BAZ1A: variants seen among roughly 807,000 people sequenced by gnomAD.
BAZ1A encodes the protein bromodomain adjacent to zinc finger domain protein 1A.
A neutral mutation model predicts 185.2 loss-of-function variants in BAZ1A; 50 were observed. The observed-to-expected ratio is 0.27, with a 90% CI of 0.22 to 0.34. The LOEUF (loss-of-function observed/expected upper bound fraction) is 0.34, where lower values mean the gene tolerates loss of function less well. Ranked by LOEUF, BAZ1A falls within the 10% of genes least tolerant of loss-of-function variation. The pLI, the probability that BAZ1A is intolerant of heterozygous loss-of-function variation, is 1.00. For synonymous variants in BAZ1A, 571 were observed against 615.6 expected, an observed-to-expected ratio of 0.93 and a Z score of 1.07; for missense variants, 1,356 against 1,839.9, an observed-to-expected ratio of 0.74 and a Z score of 4.81.
chr14:34,875,083 C>G (rs1320613796), intron 1 of BAZ1A, 55 bp downstream of exon 1: 1 of 359,542 alleles, frequency 2.8e-6, no homozygotes, highest in Non-Finnish European at 5.5e-6. Flanking sequence ...CCGCTTTGTT[C>G]CCGGCTCGCC....
intron 25 of BAZ1A, among the ~76,000 whole-genome samples, chr14:34,755,531 A>T (rs1053426344): frequency 1.3e-5 from 2 of 152,150 alleles, no homozygotes; most frequent in African/African-American, 4.8e-5. Context: ...TCCTTACTGC[A>T]TTTCTTAGTG....
chr14:34,754,721 T>TAACA, intron 26 of BAZ1A, 106 bp downstream of exon 26: 1 of 686,452 alleles, frequency 1.5e-6, no homozygotes, highest in Non-Finnish European at 2.4e-6. Flanking sequence ...ATCCTTTTAG[T>TAACA]AACAGAAAAA....
Position 34,830,292 on chromosome 14 carries a change from T to C in BAZ1A, c.393-4136A>G, listed in dbSNP as rs2042222095. On this transcript the variant is annotated intron_variant, in intron 3 of 26. Coordinates refer to ENST00000360310, the MANE Select transcript of BAZ1A (RefSeq NM_013448.3). ...TGGTATATACCATGCAATAAAATAT[T>C]ATCCAGCAAAAAAAAAAATAGGAAT... 2.6e-5 allele frequency among the ~76,000 whole-genome samples: 4 copies of C among 151,616 alleles called. 1 individual carries two copies. Among genetic ancestry groups the C allele is most frequent in the Admixed American group, 2.6e-4 (4 of 15,220 alleles).
At chr14:34,856,926 G>T (rs1338143573) in intron 3 of BAZ1A, among the ~76,000 whole-genome samples, 2 of 148,512 alleles carry the variant, frequency 1.3e-5, no homozygotes, top group Middle Eastern at 3.6e-3. Flanking sequence ...CAAAATCAGA[G>T]CAATCAGAAA....
At chr14:34,780,724 C>T (rs1170560397) in intron 16 of BAZ1A, among the ~76,000 whole-genome samples, 1 of 152,038 alleles carries the variant, frequency 6.6e-6, no homozygotes, top group Non-Finnish European at 1.5e-5. Flanking sequence ...AAGCAGTAAT[C>T]CAAGAGGTAG....
Position 34,765,015 on chromosome 14 carries a change from A to T in BAZ1A, c.3549+6T>A. The T allele has an allele frequency of 1.2e-6, 2 of 1,613,604 alleles. No homozygotes were observed. Among genetic ancestry groups the T allele is most frequent in the Middle Eastern group, 1.7e-4 (1 of 6,056 alleles). On this transcript the variant is annotated splice_donor_region_variant and intron_variant, in intron 22 of 26. Transcript: ENST00000360310. The stretch of plus-strand genomic sequence containing the variant: ...CATTTCTAATCTGATAAGAAGAAAA[A>T]AATACCTTGAGCTTTGGTCGAACAC...
chr14:34,861,946 T>C (rs975424522), intron 3 of BAZ1A, 98 bp downstream of exon 3: 3 of 1,371,954 alleles, frequency 2.2e-6, no homozygotes, highest in African/African-American at 2.9e-5. Context: ...TAGAGCATAG[T>C]AAAAGGGAAG....
chr14:34,872,633 CAGAT>C (rs1008353529), intron 2 of BAZ1A, among the ~76,000 whole-genome samples: 2 of 152,062 alleles, frequency 1.3e-5, no homozygotes, highest in African/African-American at 2.4e-5. Flanking sequence ...TAATGGAAGA[CAGAT>C]AGTTCTGGAA....
At chr14:34,782,902 CTG>C (rs760136706) in intron 16 of BAZ1A, among the ~76,000 whole-genome samples, 5 of 152,294 alleles carry the variant, frequency 3.3e-5, no homozygotes, top group Admixed American at 1.3e-4. Flanking sequence ...CAGAATAACT[CTG>C]TGAAATACAG....
chr14:34,820,589 A>C (rs1296741600), intron 4 of BAZ1A, among the ~76,000 whole-genome samples: 1 of 152,180 alleles, frequency 6.6e-6, no homozygotes, highest in African/African-American at 2.4e-5. Context: ...AATCAAGTCC[A>C]GTTTATCAGT....
intron 12 of BAZ1A, among the ~76,000 whole-genome samples, chr14:34,789,738 T>A (rs1880718376): frequency 6.6e-6 from 1 of 152,168 alleles, no homozygotes; most frequent in Non-Finnish European, 1.5e-5. Context: ...AGGTTTGATA[T>A]AAAAACAGGG....
Position 34,764,709 on chromosome 14 carries a change from G to T in BAZ1A, c.3774C>A (p.Val1258=). 6.2e-7 allele frequency: 1 copy of T among 1,602,440 alleles called. No individual in the cohort carries two copies. The highest frequency in any genetic ancestry group is 1.1e-5 in the South Asian group (1 of 90,052). Residue 1258 remains valine (V), a splice_region_variant and synonymous_variant, in exon 23 of 27, where the codon GTC becomes GTA. Coordinates refer to ENST00000360310, the MANE Select transcript of BAZ1A (RefSeq NM_013448.3). The part of the protein sequence containing the change: ...DEDDSQEEEE[V]SLPKRGRPQV... ...TTTTATTGCATGTTAGGACTTACCTGACTTCTTCCTCTTCTTGAGAGTCAT... is the reference window on the plus strand; with the variant it reads ...TTTTATTGCATGTTAGGACTTACCTTACTTCTTCCTCTTCTTGAGAGTCAT...
intron 6 of BAZ1A, among the ~76,000 whole-genome samples, chr14:34,805,720 T>C (rs923900399): frequency 2.0e-5 from 3 of 152,236 alleles, no homozygotes; most frequent in Non-Finnish European, 2.9e-5. Context: ...GACGCTATCT[T>C]ACGTTTTCAA....
intron 4 of BAZ1A, among the ~76,000 whole-genome samples, chr14:34,812,728 G>T (rs551303619): frequency 6.6e-6 from 1 of 152,144 alleles, no homozygotes; most frequent in Non-Finnish European, 1.5e-5. Context: ...ATTAAGAGAA[G>T]CATTGGCAAT....
intron 8 of BAZ1A, among the ~76,000 whole-genome samples, chr14:34,800,604 T>G (rs1881464163): frequency 6.6e-6 from 1 of 152,228 alleles, no homozygotes; most frequent in Non-Finnish European, 1.5e-5. Flanking sequence ...CAAACATATC[T>G]GTGCCTTTGA....
Position 34,765,118 on chromosome 14 carries a change from C to T in BAZ1A, c.3452G>A (p.Cys1151Tyr). The change falls in exon 22 of 27, where the codon TGC becomes TAC. Residue 1151 changes from cysteine to tyrosine, a missense_variant. By Grantham distance (194) the Cys-to-Tyr change is radical. Around this residue, in one of 7 missense-constraint regions of BAZ1A, gnomAD observed 309 missense variants for 355.3 expected, o/e 0.87. Transcript: ENST00000360310. ...IWSKSILNAR[C>Y]KICRKKGDAE... The stretch of plus-strand genomic sequence containing the variant: ...ATCGCCTTTCTTTCGACATATCTTG[C>T]AACGCGCATTCAGTATAGATTTAGA... 1 of 1,614,150 alleles carries T rather than the reference C, an allele frequency of 6.2e-7. No individual in the cohort carries two copies. The highest frequency in any genetic ancestry group is 8.5e-7 in the Non-Finnish European group (1 of 1,180,020).
chr14:34,834,893 A>G (rs2042304093), intron 3 of BAZ1A, among the ~76,000 whole-genome samples: 1 of 152,234 alleles, frequency 6.6e-6, no homozygotes, highest in South Asian at 2.1e-4. Context: ...AATTAAAGTT[A>G]TGCTCCATTA....
At chr14:34,851,358 AAAG>A (rs1355338448) in intron 3 of BAZ1A, among the ~76,000 whole-genome samples, 2 of 150,672 alleles carry the variant, frequency 1.3e-5, no homozygotes, top group Non-Finnish European at 3.0e-5. Context: ...AAAAAAAAAA[AAAG>A]TCTGAAAATG....
At chr14:34,788,890 C>G (rs1880667386) in intron 12 of BAZ1A, among the ~76,000 whole-genome samples, 1 of 152,110 alleles carries the variant, frequency 6.6e-6, no homozygotes, top group African/African-American at 2.4e-5. Context: ...AAGTTCAAAG[C>G]CTGACAAAAT....
Sources: allele counts gnomAD v4.1 joint callset (sites outside exome capture counted in the v4.1 genomes callset), GRCh38; gene constraint gnomAD v4.1.1; regional missense constraint gnomAD v4.1.1; transcripts MANE v1.5; gene names NCBI Gene and HGNC (gene_info 2026-07-23, HGNC 2026-07-21).